Variants in SPMIP11 observed in about 807,000 individuals in gnomAD.
SPMIP11 encodes the protein long intergenic non-protein coding RNA 935.
the SPMIP11 span, among the ~76,000 whole-genome samples, chr12:48,738,680 G>A: frequency 4.6e-5 from 7 of 151,988 alleles, no homozygotes; most frequent in Admixed American, 2.0e-4. Flanking sequence ...GACTACAGGC[G>A]CCCGCCACCA....
the SPMIP11 span, among the ~76,000 whole-genome samples, chr12:48,728,707 CAAAAAAAA>C: frequency 1.4e-5 from 1 of 70,972 alleles, no homozygotes; most frequent in Non-Finnish European, 2.6e-5. Flanking sequence ...GACTCTGTCT[CAAAAAAAA>C]AAAAAAAAAA....
the SPMIP11 span, among the ~76,000 whole-genome samples, chr12:48,733,526 C>T: frequency 6.6e-6 from 1 of 152,134 alleles, no homozygotes; most frequent in Non-Finnish European, 1.5e-5. Context: ...ACAAATTTTA[C>T]ATTGTATGCC....
At chr12:48,736,166 G>A in the SPMIP11 span, 1 of 423,920 alleles carries the variant, frequency 2.4e-6, no homozygotes, top group South Asian at 1.7e-5. Context: ...GACTTTGGAA[G>A]CCCGAGGTGA....
chr12:48,766,814 A>G, the SPMIP11 span: 1 of 152,396 alleles, frequency 6.6e-6, no homozygotes, highest in Non-Finnish European at 1.5e-5. Flanking sequence ...TTTCCAAGAC[A>G]AAGTGATCTT....
chr12:48,771,069 T>G, the SPMIP11 span: 2 of 1,211,588 alleles, frequency 1.7e-6, no homozygotes, highest in South Asian at 1.4e-5. The surrounding 1 kb of genome is among the most constrained non-coding windows in gnomAD (Gnocchi z 4.3). Flanking sequence ...CCTTCCCCAC[T>G]TCCCTGTCTC....
chr12:48,764,306 A>AC, the SPMIP11 span, among the ~76,000 whole-genome samples: 153 of 152,294 alleles, frequency 1.0e-3, no homozygotes, highest in African/African-American at 3.4e-3. Context: ...ACTTTTTCAA[A>AC]CAGCATCAAA....
the SPMIP11 span, among the ~76,000 whole-genome samples, chr12:48,736,661 T>G: frequency 6.6e-6 from 1 of 151,686 alleles, no homozygotes; most frequent in Non-Finnish European, 1.5e-5. Flanking sequence ...TGCTTTTGCC[T>G]CTCTCCAAGG....
chr12:48,740,451 A>G, the SPMIP11 span, among the ~76,000 whole-genome samples: 65 of 152,018 alleles, frequency 4.3e-4, no homozygotes, highest in African/African-American at 1.4e-3. Flanking sequence ...AATTACCTAC[A>G]GTGCATTTCT....
the SPMIP11 span, chr12:48,768,558 G>C: frequency 1.9e-6 from 3 of 1,614,026 alleles, no homozygotes; most frequent in Non-Finnish European, 2.5e-6. Flanking sequence ...TGCCCACCTT[G>C]GTCCCTTCAG....
chr12:48,750,542 G>A, the SPMIP11 span, among the ~76,000 whole-genome samples: 626 of 152,272 alleles, frequency 4.1e-3, 3 homozygotes, highest in Non-Finnish European at 6.4e-3. Context: ...GCTGGGAAGG[G>A]TTTGACCTTA....
At chr12:48,764,216 C>T in the SPMIP11 span, among the ~76,000 whole-genome samples, 13,456 of 150,936 alleles carry the variant, frequency 0.089, 816 homozygotes, top group African/African-American at 0.18. Context: ...CTCGAACTCC[C>T]GACCTCAGGT....
the SPMIP11 span, chr12:48,768,719 G>C: frequency 5.6e-6 from 9 of 1,613,532 alleles, no homozygotes; most frequent in African/African-American, 1.3e-5. Flanking sequence ...GTGGTCACCT[G>C]GGGGAGTGGG....
chr12:48,748,177 A>C, the SPMIP11 span, among the ~76,000 whole-genome samples: 1 of 151,220 alleles, frequency 6.6e-6, no homozygotes, highest in Non-Finnish European at 1.5e-5. Context: ...TTAACATTCC[A>C]CTCCATTCCC....
the SPMIP11 span, among the ~76,000 whole-genome samples, chr12:48,739,913 T>C: frequency 1.3e-5 from 2 of 152,216 alleles, no homozygotes; most frequent in Non-Finnish European, 2.9e-5. Context: ...CAATTCTAGA[T>C]GTATCCTCCA....
the SPMIP11 span, among the ~76,000 whole-genome samples, chr12:48,731,874 C>T: frequency 7.2e-5 from 11 of 152,044 alleles, no homozygotes; most frequent in African/African-American, 2.4e-4. Context: ...TTTGGCCAGG[C>T]GCAATGGCTC....
chr12:48,729,876 C>A, the SPMIP11 span, among the ~76,000 whole-genome samples: 8 of 152,066 alleles, frequency 5.3e-5, no homozygotes, highest in Non-Finnish European at 2.9e-5. Context: ...CCTTAATATC[C>A]TTATACAAGC....
At chr12:48,766,527 C>T in the SPMIP11 span, 1 of 152,688 alleles carries the variant, frequency 6.5e-6, no homozygotes, top group Non-Finnish European at 1.5e-5. Flanking sequence ...TAGTCTCTTC[C>T]TATCCCTTCC....
chr12:48,729,685 G>C, the SPMIP11 span, among the ~76,000 whole-genome samples: 10 of 148,688 alleles, frequency 6.7e-5, no homozygotes, highest in African/African-American at 2.5e-4. Flanking sequence ...ACTTCAGCCT[G>C]GCAACAGAGC....
chr12:48,756,761 A>ATTTT, the SPMIP11 span, among the ~76,000 whole-genome samples: 3 of 133,606 alleles, frequency 2.2e-5, 1 homozygote, highest in Non-Finnish European at 3.4e-5. Flanking sequence ...GCAGAGATGG[A>ATTTT]TTTTTTTTTC....
Sources: gnomAD v4.1 joint callset for allele counts (sites outside exome capture counted in the v4.1 genomes callset) on GRCh38, gnomAD v4.1.1 for gene constraint, Gnocchi (gnomAD v3.1) non-coding constraint, MANE v1.5 for transcripts, NCBI Gene and HGNC (gene_info 2026-07-23, HGNC 2026-07-21) for gene names.